Variants in TBC1D2 observed in about 807,000 individuals in gnomAD.
TBC1D2 encodes the protein TBC1 domain family member 2, also known as TBC1 domain family member 2A.
TBC1D2 carries 58 observed loss-of-function variants against 91.1 expected under a neutral mutation model. The ratio of observed to expected loss-of-function variants is 0.64; its 90% CI spans 0.52 to 0.79. The LOEUF is 0.79. Ranked by LOEUF, TBC1D2 falls within the 30% of genes least tolerant of loss-of-function variation. TBC1D2 has a pLI of 0.00. For missense variants in TBC1D2, 1,080 were observed against 1,208.3 expected, an observed-to-expected ratio of 0.89 and a Z score of 1.57; for synonymous variants, 482 against 511.5, an observed-to-expected ratio of 0.94 and a Z score of 0.78.
chr9:98,239,278 C>G (rs185779842), intron 3 of TBC1D2, among the ~76,000 whole-genome samples: 15 of 152,226 alleles, frequency 9.9e-5, no homozygotes, highest in Non-Finnish European at 1.5e-4. Flanking sequence ...GTCTCAAACT[C>G]CTGGCCTCAA....
chr9:98,231,844 C>T (rs1354764933), intron 4 of TBC1D2, among the ~76,000 whole-genome samples: 2 of 152,122 alleles, frequency 1.3e-5, no homozygotes, highest in Admixed American at 1.3e-4. Flanking sequence ...TTGGTACACA[C>T]AGATGAAACT....
In TBC1D2 at chr9:98,220,922, A is replaced by G. The variant is rs770899873; in HGVS notation, c.1285T>C (p.Phe429Leu). Residue 429 changes from phenylalanine to leucine, a missense_variant, in exon 6 of 13, where the codon TTC (phenylalanine) becomes CTC (leucine). By Grantham distance (22) the Phe-to-Leu change is conservative. Transcript: ENST00000465784. ...GGAGACTGGTCAGGGGGGTGCGTGA[A>G]GTCCTGGGTGACCTTCTCAGAGAGC... ...CKLSEKVTQDFTHPPDQSPLR... is the reference protein window; with the variant it reads ...CKLSEKVTQDLTHPPDQSPLR... 2 of 1,614,108 alleles carry G rather than the reference A, an allele frequency of 1.2e-6. No individual in the cohort carries two copies. Among genetic ancestry groups the G allele is most frequent in the Non-Finnish European group, 1.7e-6 (2 of 1,180,020 alleles).
chr9:98,236,863 A>G (rs1829517001), intron 3 of TBC1D2, among the ~76,000 whole-genome samples: 1 of 152,132 alleles, frequency 6.6e-6, no homozygotes, highest in African/African-American at 2.4e-5. Context: ...CTTTATCACA[A>G]AATAGCAGTT....
In TBC1D2 at chr9:98,218,849, A is replaced by T. The variant is rs543608094; in HGVS notation, c.1374+1984T>A. On this transcript the variant is annotated intron_variant, in intron 6 of 12. Coordinates refer to ENST00000465784, the MANE Select transcript of TBC1D2 (RefSeq NM_001267571.2). The stretch of plus-strand genomic sequence containing the variant: ...GGGAACACAGGCGTGCGCCACCACA[A>T]ATCTTTCTGACCCCTGTGCTGCTCT... Among the ~76,000 whole-genome samples the T allele has an allele frequency of 2.0e-4, 31 of 152,220 alleles. No individual in the cohort carries two copies. The South Asian group carries it at 5.8e-3, about 29-fold the overall frequency.
At chr9:98,212,973 G>T (rs970392048) in intron 7 of TBC1D2, 135 bp downstream of exon 7, 3 of 903,542 alleles carry the variant, frequency 3.3e-6, no homozygotes, top group Non-Finnish European at 3.4e-6. Context: ...ACCTGATATG[G>T]GCCCTGCTCA....
chr9:98,229,275 T>A, intron 4 of TBC1D2, 127 bp from the exon 5 acceptor site: 1 of 818,848 alleles, frequency 1.2e-6, no homozygotes, highest in South Asian at 1.8e-5. Flanking sequence ...TTCGGAGCTC[T>A]GGATTTAATA....
chr9:98,225,676 T>C (rs1188425766), intron 5 of TBC1D2, among the ~76,000 whole-genome samples: 3 of 152,150 alleles, frequency 2.0e-5, no homozygotes, highest in Admixed American at 2.0e-4. Flanking sequence ...AGTAAGGGGA[T>C]GAAAACTATT....
intron 11 of TBC1D2, among the ~76,000 whole-genome samples, chr9:98,200,742 A>G (rs4237191): frequency 0.41 from 62,362 of 152,090 alleles, 13,027 homozygotes; most frequent in African/African-American, 0.5. Flanking sequence ...CAGGCCAGAC[A>G]CAGTGGCTCA....
At position 98,203,377 on chromosome 9, in the gene TBC1D2, C is replaced by T. The variant is rs1355447067; in HGVS notation, c.2182G>A (p.Glu728Lys). ...LAAIALLVLEEEESAFWCLVA... is the reference protein window; with the variant it reads ...LAAIALLVLEKEESAFWCLVA... ...AGGCACCAGAAGGCGCTCTCCTCCTCCTCTAGGACCAGCAGGGCAATGGCC... is the reference window on the plus strand; with the variant it reads ...AGGCACCAGAAGGCGCTCTCCTCCTTCTCTAGGACCAGCAGGGCAATGGCC... Residue 728 changes from glutamate to lysine, a missense_variant, in exon 10 of 13, where the codon GAG becomes AAG. Coordinates refer to ENST00000465784, the MANE Select transcript of TBC1D2 (RefSeq NM_001267571.2). 3.7e-6 allele frequency: 6 copies of T among 1,614,220 alleles called. No homozygotes were observed. Among genetic ancestry groups the T allele is most frequent in the East Asian group, 4.5e-5 (2 of 44,880 alleles).
At chr9:98,236,620 T>A (rs1344261116) in intron 3 of TBC1D2, among the ~76,000 whole-genome samples, 6 of 152,246 alleles carry the variant, frequency 3.9e-5, no homozygotes, top group African/African-American at 1.4e-4. Context: ...TGATACAGCA[T>A]GAAGTTTCTA....
intron 3 of TBC1D2, among the ~76,000 whole-genome samples, chr9:98,241,646 T>C (rs960797758): frequency 1.3e-5 from 2 of 152,198 alleles, no homozygotes; most frequent in South Asian, 2.1e-4. Context: ...CTATCAGGCA[T>C]GGACTCAGTT....
chr9:98,201,724 T>C, intron 10 of TBC1D2, 60 bp from the exon 11 acceptor site: 1 of 1,514,556 alleles, frequency 6.6e-7, no homozygotes, highest in Non-Finnish European at 8.9e-7. Context: ...CCTCCCTCCC[T>C]GCCCAGCCTT....
intron 6 of TBC1D2, among the ~76,000 whole-genome samples, chr9:98,219,833 G>A (rs532168049): frequency 1.4e-3 from 216 of 152,344 alleles, no homozygotes; most frequent in Middle Eastern, 6.8e-3. Flanking sequence ...CTGTACATAT[G>A]TGGTTGTGAG....
Position 98,213,099 on chromosome 9 carries a change from AC to A in TBC1D2, c.1485+8del, listed in dbSNP as rs1273130621. 6.8e-6 allele frequency: 11 copies of A among 1,613,558 alleles called. No individual in the cohort carries two copies. Among genetic ancestry groups the A allele is most frequent in the South Asian group, 2.2e-5 (2 of 91,038 alleles). On this transcript the variant is annotated splice_region_variant and intron_variant, in intron 7 of 12. Transcript: ENST00000465784. ...ATGGAGACGGCTGGAATAGGGCCCCACCCCGCACCTTCGTCAGAAGGGCCTT... is the reference window on the plus strand; with the variant it reads ...ATGGAGACGGCTGGAATAGGGCCCCACCCGCACCTTCGTCAGAAGGGCCTT...
chr9:98,203,976 C>A (rs2118994998), intron 9 of TBC1D2, among the ~76,000 whole-genome samples: 1 of 152,336 alleles, frequency 6.6e-6, no homozygotes, highest in Admixed American at 6.5e-5. Context: ...GCCTCGCTCA[C>A]TGCCTGGCAT....
Position 98,255,642 on chromosome 9 carries a change from G to A in TBC1D2, c.-101C>T, listed in dbSNP as rs1829962390. 1.3e-5 allele frequency: 18 copies of A among 1,357,474 alleles called. No homozygotes were observed. The highest frequency in any genetic ancestry group is 1.6e-5 in the Non-Finnish European group (17 of 1,056,500). 84.1% of individuals were successfully genotyped at this position (1,357,474 alleles called of 1,614,324 possible). On this transcript the variant is annotated 5_prime_UTR_variant, in exon 1 of 13. Transcript: ENST00000465784. ...CAGCTTCCCAAAGGGAGACACCTGG[G>A]CGGGGGCGGGGCCGACGGCGAACCC...
intron 5 of TBC1D2, among the ~76,000 whole-genome samples, chr9:98,227,551 G>C (rs1420663219): frequency 1.3e-5 from 2 of 152,076 alleles, no homozygotes; most frequent in Admixed American, 6.6e-5. Flanking sequence ...GAGGTCAGGA[G>C]TTCGAAACCA....
At position 98,201,443 on chromosome 9, in the gene TBC1D2, C is replaced by T. The variant is rs764329012; in HGVS notation, c.2457+36G>A. On this transcript the variant is annotated intron_variant, in intron 11 of 12. Transcript: ENST00000465784. ...ACGCAGATGGGTGAAGGGACTTGCTCAGGGGCCCCCTGCCCATCCCCTGGC... is the reference window on the plus strand; with the variant it reads ...ACGCAGATGGGTGAAGGGACTTGCTTAGGGGCCCCCTGCCCATCCCCTGGC... The T allele has an allele frequency of 5.6e-6, 9 of 1,597,466 alleles. No individual in the cohort carries two copies. In the African/African-American group the frequency reaches 9.4e-5, roughly 17 times the overall value.
At chr9:98,226,967 T>A (rs1254266507) in intron 5 of TBC1D2, among the ~76,000 whole-genome samples, 1 of 152,210 alleles carries the variant, frequency 6.6e-6, no homozygotes, top group African/African-American at 2.4e-5. Flanking sequence ...CCTTTCTACT[T>A]CATCTGACAA....
Sources: allele counts gnomAD v4.1 joint callset (sites outside exome capture counted in the v4.1 genomes callset), GRCh38; gene constraint gnomAD v4.1.1; transcripts MANE v1.5; gene names NCBI Gene and HGNC (gene_info 2026-07-23, HGNC 2026-07-21).